Variants in PSMA1 observed in about 807,000 individuals in gnomAD.
PSMA1 encodes the protein proteasome 20S subunit alpha 1.
In PSMA1, 3 loss-of-function variants were observed where a neutral mutation model predicts 38.4. The ratio of observed to expected loss-of-function variants is 0.08; its 90% CI spans 0.04 to 0.20. The LOEUF is 0.20. Among genes scored for constraint, PSMA1 ranks in the 10% least tolerant of loss-of-function variants. PSMA1 has a pLI of 1.00. For synonymous variants in PSMA1, 101 were observed against 107.1 expected (o/e 0.94, Z 0.35); for missense variants, 227 against 325.3 (o/e 0.70, Z 2.32).
At chr11:14,582,896 A>G (rs1449067961) in intron 2 of PSMA1, among the ~76,000 whole-genome samples, 1 of 152,066 alleles carries the variant, frequency 6.6e-6, no homozygotes, top group African/African-American at 2.4e-5. Context: ...TATCCAAGTA[A>G]CTCTGCTCAG....
intron 1 of PSMA1, among the ~76,000 whole-genome samples, chr11:14,634,907 G>A (rs1464097052): frequency 2.0e-5 from 3 of 152,116 alleles, no homozygotes; most frequent in Non-Finnish European, 4.4e-5. Context: ...ATTGATGAAG[G>A]ATGAAGAAAT....
intron 2 of PSMA1, among the ~76,000 whole-genome samples, chr11:14,600,352 A>C (rs1364430279): frequency 6.6e-6 from 1 of 152,138 alleles, no homozygotes; most frequent in Non-Finnish European, 1.5e-5. Flanking sequence ...CTGCCCACAG[A>C]GGTGAAGTCT....
At chr11:14,610,348 C>T (rs923386052) in intron 2 of PSMA1, among the ~76,000 whole-genome samples, 2 of 230 alleles carry the variant, frequency 8.7e-3, no homozygotes, top group African/African-American at 0.043. Context: ...TGTCTAGTGA[C>T]ACAGCCTCCG....
At chr11:14,638,537 CTCTCTCTCTATATATA>C (rs1454967636) in intron 1 of PSMA1, among the ~76,000 whole-genome samples, 21 of 22,722 alleles carry the variant, frequency 9.2e-4, no homozygotes, top group South Asian at 3.6e-3. Context: ...CTCTCTCTCT[CTCTCTCTCTATATATA>C]TATATATATA....
chr11:14,566,071 G>A (rs1852067153), intron 2 of PSMA1, among the ~76,000 whole-genome samples: 1 of 152,214 alleles, frequency 6.6e-6, no homozygotes, highest in Non-Finnish European at 1.5e-5. Context: ...AGGCCAGTGT[G>A]GCCGGAGTGA....
chr11:14,630,376 G>C (rs925580561), intron 1 of PSMA1, among the ~76,000 whole-genome samples: 50 of 152,244 alleles, frequency 3.3e-4, no homozygotes, highest in African/African-American at 5.5e-4. Flanking sequence ...TAGCATGAAG[G>C]GTTGTTGAAT....
intron 9 of PSMA1, among the ~76,000 whole-genome samples, chr11:14,506,219 A>T (rs190152023): frequency 1.3e-5 from 2 of 152,312 alleles, no homozygotes; most frequent in African/African-American, 4.8e-5. Flanking sequence ...CTGAAAACCT[A>T]AATATCATTG....
intron 2 of PSMA1, among the ~76,000 whole-genome samples, chr11:14,539,119 C>A (rs1851743751): frequency 6.6e-6 from 1 of 152,190 alleles, no homozygotes; most frequent in Non-Finnish European, 1.5e-5. Context: ...GAAGGTAATA[C>A]ACAGGCAAAC....
chr11:14,511,750 A>T (rs1404331348), intron 7 of PSMA1, among the ~76,000 whole-genome samples: 2 of 152,220 alleles, frequency 1.3e-5, no homozygotes, highest in Non-Finnish European at 2.9e-5. Context: ...AGGAACAAAA[A>T]AAAGAAGGTT....
chr11:14,551,370 C>A (rs1851882502), intron 2 of PSMA1, among the ~76,000 whole-genome samples: 1 of 152,206 alleles, frequency 6.6e-6, no homozygotes, highest in Non-Finnish European at 1.5e-5. Flanking sequence ...TGGAACAGAT[C>A]TATGCAAAAT....
At chr11:14,636,152 CTT>C (rs1853110544) in intron 1 of PSMA1, among the ~76,000 whole-genome samples, 1 of 152,106 alleles carries the variant, frequency 6.6e-6, no homozygotes, top group Non-Finnish European at 1.5e-5. Context: ...ATGAAACTCT[CTT>C]TTCTTAATGT....
rs1383940601 is a variant in PSMA1 at position 14,629,461 on chromosome 11, A to G, written c.-166+13994T>C. Among the ~76,000 whole-genome samples the G allele has an allele frequency of 3.2e-4, 49 of 151,950 alleles. No individual in the cohort carries two copies. In the South Asian group the frequency reaches 1.0e-2, roughly 31 times the overall value. ...ATTGCTTGTTTTTCTCAGGTTTGTC[A>G]AAGATCAGATAGTTGTAGATATGCG... is the stretch of plus-strand genomic sequence containing the variant. On this transcript the variant is annotated intron_variant, in intron 1 of 10. Coordinates refer to the PSMA1 transcript ENST00000418988.
At chr11:14,559,862 G>C (rs1008464827) in intron 2 of PSMA1, among the ~76,000 whole-genome samples, 1 of 152,188 alleles carries the variant, frequency 6.6e-6, no homozygotes, top group Non-Finnish European at 1.5e-5. Flanking sequence ...GTTTATTGGA[G>C]AGTGCCTAGG....
At chr11:14,621,235 T>G (rs902537794) in intron 1 of PSMA1, among the ~76,000 whole-genome samples, 8 of 152,188 alleles carry the variant, frequency 5.3e-5, no homozygotes, top group Admixed American at 4.6e-4. Flanking sequence ...AAAGCATTTG[T>G]CAAAAATTTT....
At chr11:14,630,718 T>G (rs1382336643) in intron 1 of PSMA1, among the ~76,000 whole-genome samples, 1 of 151,976 alleles carries the variant, frequency 6.6e-6, no homozygotes, top group African/African-American at 2.4e-5. Flanking sequence ...TTCTATTGAT[T>G]GGAATAGTTT....
chr11:14,561,825 TAAAC>T (rs2134173472), intron 2 of PSMA1, among the ~76,000 whole-genome samples: 1 of 145,116 alleles, frequency 6.9e-6, no homozygotes, highest in Non-Finnish European at 1.5e-5. Context: ...TAAACTAAAC[TAAAC>T]TAAACTAAAC....
intron 4 of PSMA1, 27 bp from the exon 5 acceptor site, chr11:14,514,518 T>A: frequency 1.4e-6 from 2 of 1,468,630 alleles, no homozygotes; most frequent in Non-Finnish European, 1.8e-6. Flanking sequence ...AAAAGTTTAG[T>A]AATTTCAAAT....
At position 14,507,641 on chromosome 11, in the gene PSMA1, G is replaced by A; in HGVS notation, c.735+15C>T. On this transcript the variant is annotated intron_variant, in intron 9 of 9. Coordinates refer to ENST00000396394, the MANE Select transcript of PSMA1 (RefSeq NM_002786.4). ...TTACAATAGAACTAAAGCCTCTTGT[G>A]TTATGATTATATACCTGTGCCTTTC... 6.5e-7 allele frequency: 1 copy of A among 1,527,782 alleles called. No homozygotes were observed. Among genetic ancestry groups the A allele is most frequent in the Non-Finnish European group, 9.1e-7 (1 of 1,103,856 alleles). The allele number at this position is 1,527,782 out of a possible 1,614,324, so 94.6% of individuals were successfully genotyped here.
At chr11:14,569,045 G>C (rs1048284369) in intron 2 of PSMA1, among the ~76,000 whole-genome samples, 4 of 152,186 alleles carry the variant, frequency 2.6e-5, no homozygotes, top group African/African-American at 9.6e-5. Context: ...ATGCCCTGGA[G>C]ACATTTTCCC....
Sources: allele counts gnomAD v4.1 joint callset (sites outside exome capture counted in the v4.1 genomes callset), GRCh38; gene constraint gnomAD v4.1.1; transcripts MANE v1.5; gene names NCBI Gene and HGNC (gene_info 2026-07-23, HGNC 2026-07-21).